N4BP2: variants seen among roughly 807,000 people sequenced by gnomAD.
The protein encoded by N4BP2 is NEDD4-binding protein 2.
Under a neutral mutation model 152.8 loss-of-function variants are expected in N4BP2, and 91 were observed. That is an observed-to-expected ratio of 0.60 (90% confidence interval 0.50 to 0.71). The LOEUF (loss-of-function observed/expected upper bound fraction) is 0.71, where lower values mean the gene tolerates loss of function less well. Ranked by LOEUF, N4BP2 falls within the 30% of genes least tolerant of loss-of-function variation. The pLI is 0.00. For missense variants in N4BP2, 1,923 were observed against 2,059.1 expected, an observed-to-expected ratio of 0.93 and a Z score of 1.28; for synonymous variants, 646 against 705.3, an observed-to-expected ratio of 0.92 and a Z score of 1.33.
the N4BP2 span, among the ~76,000 whole-genome samples, chr4:40,174,673 G>T: frequency 1.3e-5 from 2 of 151,882 alleles, no homozygotes; most frequent in Non-Finnish European, 2.9e-5. Context: ...GTAGTGGTGC[G>T]CACCTGTCAT....
intron 5 of N4BP2, among the ~76,000 whole-genome samples, chr4:40,107,383 C>T (rs1001980042): frequency 6.6e-6 from 1 of 151,410 alleles, no homozygotes; most frequent in Non-Finnish European, 1.5e-5. Flanking sequence ...GTTAAATTGG[C>T]TTAGTATTTT....
chr4:40,110,156 C>T (rs897167798), intron 5 of N4BP2, among the ~76,000 whole-genome samples: 2 of 152,098 alleles, frequency 1.3e-5, no homozygotes, highest in Non-Finnish European at 2.9e-5. Context: ...TGTTTCATTC[C>T]TTTATATGGA....
intron 12 of N4BP2, among the ~76,000 whole-genome samples, chr4:40,128,463 T>G (rs1011564307): frequency 5.9e-5 from 9 of 152,144 alleles, no homozygotes; most frequent in African/African-American, 2.2e-4. Context: ...ATCTTAAAAT[T>G]TTAGTGTCCT....
At chr4:40,067,474 A>G (rs1711642270) in intron 1 of N4BP2, among the ~76,000 whole-genome samples, 1 of 151,598 alleles carries the variant, frequency 6.6e-6, no homozygotes, top group South Asian at 2.1e-4. Flanking sequence ...ACTATTGTGA[A>G]TAACGCTGTG....
chr4:40,077,143 A>G (rs12511590), intron 2 of N4BP2, among the ~76,000 whole-genome samples: 57,573 of 150,808 alleles, frequency 0.38, 11,375 homozygotes, highest in Middle Eastern at 0.45. Context: ...TAGAATATAT[A>G]TGTGTGTGTG....
chr4:40,176,908 G>T, the N4BP2 span, among the ~76,000 whole-genome samples: 7 of 152,184 alleles, frequency 4.6e-5, no homozygotes, highest in Non-Finnish European at 1.0e-4. Flanking sequence ...CCTTTCGGGG[G>T]ATCCCTGTTT....
chr4:40,142,620 G>A, intron 14 of N4BP2, 53 bp from the exon 15 acceptor site: 1 of 1,337,468 alleles, frequency 7.5e-7, no homozygotes, highest in Non-Finnish European at 1.0e-6. Context: ...TGTAAGGCAT[G>A]AGTTTTTTTT....
At chr4:40,181,891 G>A in the N4BP2 span, among the ~76,000 whole-genome samples, 1 of 152,232 alleles carries the variant, frequency 6.6e-6, no homozygotes. Flanking sequence ...GGAGGTTGCA[G>A]TGAGCTGAGA....
chr4:40,184,575 C>G, the N4BP2 span, among the ~76,000 whole-genome samples: 1 of 152,064 alleles, frequency 6.6e-6, no homozygotes, highest in Non-Finnish European at 1.5e-5. Flanking sequence ...AAAATTATCT[C>G]CAATTTTACC....
At chr4:40,080,355 A>C (rs1560576200) in intron 2 of N4BP2, among the ~76,000 whole-genome samples, 1 of 144,478 alleles carries the variant, frequency 6.9e-6, no homozygotes, top group African/African-American at 2.5e-5. Flanking sequence ...TATATATATA[A>C]TTTTTTTTTT....
the N4BP2 span, among the ~76,000 whole-genome samples, chr4:40,171,414 T>C: frequency 1.2e-4 from 19 of 152,190 alleles, no homozygotes; most frequent in African/African-American, 3.9e-4. Flanking sequence ...GTGATTCCCG[T>C]GCAACATGGC....
chr4:40,108,820 GTTT>G (rs762951724), intron 5 of N4BP2, among the ~76,000 whole-genome samples: 1 of 141,830 alleles, frequency 7.1e-6, no homozygotes. Context: ...ATTTTCCTCA[GTTT>G]TTTTTTTTTT....
intron 3 of N4BP2, among the ~76,000 whole-genome samples, chr4:40,098,980 T>TTA (rs1232592694): frequency 3.3e-5 from 5 of 152,246 alleles, no homozygotes; most frequent in African/African-American, 1.2e-4. Context: ...GTGCTGTAGT[T>TTA]TATTTAATTA....
chr4:40,166,756 C>T, the N4BP2 span: 2 of 151,844 alleles, frequency 1.3e-5, no homozygotes, highest in Non-Finnish European at 1.5e-5. Flanking sequence ...TTTGTGGGTA[C>T]ATTGTAGGTG....
At chr4:40,119,750 G>A (rs1329132511) in intron 8 of N4BP2, among the ~76,000 whole-genome samples, 182 bp from the exon 9 acceptor site, 1 of 152,156 alleles carries the variant, frequency 6.6e-6, no homozygotes, top group Non-Finnish European at 1.5e-5. Flanking sequence ...TTACAACAAT[G>A]TAATGTGTTC....
rs1490666219 is a variant in N4BP2 at position 40,124,212 on chromosome 4, C to T, written c.4330+7C>T. The T allele has an allele frequency of 6.3e-7, 1 of 1,595,758 alleles. No individual in the cohort carries two copies. Among genetic ancestry groups the T allele is most frequent in the African/African-American group, 1.3e-5 (1 of 74,660 alleles). On this transcript the variant is annotated splice_region_variant and intron_variant, in intron 11 of 17. Coordinates refer to ENST00000261435, the MANE Select transcript of N4BP2 (RefSeq NM_018177.6). Reference sequence around the variant, plus strand: ...TGTGGCAAGTTTATGCAAGGTAAAGCACATGTTTTTATTTCTAATGTCTTA... The same window carrying T: ...TGTGGCAAGTTTATGCAAGGTAAAGTACATGTTTTTATTTCTAATGTCTTA...
the N4BP2 span, among the ~76,000 whole-genome samples, chr4:40,187,014 T>C: frequency 3.9e-5 from 6 of 152,232 alleles, no homozygotes; most frequent in Non-Finnish European, 8.8e-5. Flanking sequence ...GCATCAGTAA[T>C]AAAGTGAATG....
At chr4:40,170,196 T>C in the N4BP2 span, among the ~76,000 whole-genome samples, 1 of 152,164 alleles carries the variant, frequency 6.6e-6, no homozygotes, top group African/African-American at 2.4e-5. Flanking sequence ...ATACCCTTAA[T>C]CATTCAGTTT....
chr4:40,140,590 TA>T (rs200208751), intron 14 of N4BP2, among the ~76,000 whole-genome samples: 2 of 152,116 alleles, frequency 1.3e-5, no homozygotes, highest in Admixed American at 6.5e-5. Flanking sequence ...TCTTTTTTTT[TA>T]AAATTAATTT....
Sources: allele counts gnomAD v4.1 joint callset (sites outside exome capture counted in the v4.1 genomes callset), GRCh38; gene constraint gnomAD v4.1.1; transcripts MANE v1.5; gene names NCBI Gene and HGNC (gene_info 2026-07-23, HGNC 2026-07-21).